CRACD: variants seen among roughly 807,000 people sequenced by gnomAD.
The protein encoded by CRACD is capping protein inhibiting regulator of actin dynamics, also known as capping protein-inhibiting regulator of actin dynamics.
A neutral mutation model predicts 106.8 loss-of-function variants in CRACD; 56 were observed. The observed-to-expected ratio is 0.52, with a 90% CI of 0.42 to 0.66. CRACD has a LOEUF of 0.66. CRACD is among the 30% of genes least tolerant of loss of function. The pLI is 0.00. For synonymous variants in CRACD, 754 were observed against 670.8 expected, an observed-to-expected ratio of 1.12 and a Z score of -1.92; for missense variants, 1,730 against 1,623.2, an observed-to-expected ratio of 1.07 and a Z score of -1.13.
intron 2 of CRACD, among the ~76,000 whole-genome samples, chr4:56,186,760 G>A (rs572630438): frequency 1.3e-5 from 2 of 152,256 alleles, no homozygotes; most frequent in South Asian, 2.1e-4. Context: ...ATGATAGGAT[G>A]TAGCTTCTAA....
rs909615208 is a variant in CRACD at position 56,301,646 on chromosome 4, T to C, written c.120+3297T>C. On this transcript the variant is annotated intron_variant, in intron 4 of 10. Coordinates refer to ENST00000682029, the MANE Select transcript of CRACD (RefSeq NM_001393381.1). Reference sequence around the variant, plus strand: ...CCCACGGAAGGGTGTCTGTCTGTAATGCCTGCCTTTGGAAAGGCTGCCCTC... The same window carrying C: ...CCCACGGAAGGGTGTCTGTCTGTAACGCCTGCCTTTGGAAAGGCTGCCCTC... Among the ~76,000 whole-genome samples the C allele has an allele frequency of 6.8e-4, 104 of 152,168 alleles. 2 individuals carry two copies. The highest frequency in any genetic ancestry group is 2.2e-3 in the African/African-American group (92 of 41,520).
intron 2 of CRACD, among the ~76,000 whole-genome samples, chr4:56,240,551 C>G (rs1425417135): frequency 6.6e-6 from 1 of 152,160 alleles, no homozygotes; most frequent in Non-Finnish European, 1.5e-5. Flanking sequence ...GTCACGCAGG[C>G]AACAGTGCAG....
chr4:56,107,270 C>T (rs765759574), intron 1 of CRACD, among the ~76,000 whole-genome samples: 5 of 152,118 alleles, frequency 3.3e-5, no homozygotes, highest in East Asian at 3.9e-4. Context: ...TGTGAGCCAC[C>T]GGCGCCCAGC....
chr4:56,124,398 A>T (rs1379367138), intron 1 of CRACD, among the ~76,000 whole-genome samples: 1 of 152,194 alleles, frequency 6.6e-6, no homozygotes, highest in Non-Finnish European at 1.5e-5. Context: ...TTTTAAAGCA[A>T]ATTCTAGACA....
intron 2 of CRACD, among the ~76,000 whole-genome samples, chr4:56,257,961 T>G (rs1741469105): frequency 6.6e-6 from 1 of 151,746 alleles, no homozygotes; most frequent in South Asian, 2.1e-4. Flanking sequence ...TCCTAGCTAC[T>G]TGGGAGGCTG....
At chr4:56,055,893 T>C (rs1168665039) in intron 1 of CRACD, among the ~76,000 whole-genome samples, 1 of 152,230 alleles carries the variant, frequency 6.6e-6, no homozygotes, top group Admixed American at 6.5e-5. Flanking sequence ...CAAGACAGTG[T>C]GGGAGCAGCA....
chr4:56,156,426 T>C (rs1336061912), intron 1 of CRACD, among the ~76,000 whole-genome samples: 2 of 152,208 alleles, frequency 1.3e-5, no homozygotes, highest in Non-Finnish European at 2.9e-5. Context: ...CCGCCAACCG[T>C]GTGACCAGGA....
At chr4:56,176,589 C>T (rs376066651) in intron 1 of CRACD, among the ~76,000 whole-genome samples, 223 of 152,008 alleles carry the variant, frequency 1.5e-3, no homozygotes, top group African/African-American at 5.1e-3. Flanking sequence ...CTACCACGCC[C>T]GGCTAATTTT....
At chr4:56,284,644 G>A (rs1328449892) in intron 3 of CRACD, among the ~76,000 whole-genome samples, 1 of 152,148 alleles carries the variant, frequency 6.6e-6, no homozygotes, top group South Asian at 2.1e-4. Flanking sequence ...AGAATTGCTT[G>A]AACCCAGAAG....
chr4:56,306,415 G>T (rs1268550615), intron 4 of CRACD, among the ~76,000 whole-genome samples: 1 of 152,038 alleles, frequency 6.6e-6, no homozygotes, highest in African/African-American at 2.4e-5. Context: ...GATCACCTGA[G>T]CATGGGAGAA....
intron 1 of CRACD, among the ~76,000 whole-genome samples, chr4:56,080,782 G>A (rs947906194): frequency 3.3e-5 from 5 of 152,166 alleles, no homozygotes; most frequent in South Asian, 2.1e-4. Flanking sequence ...GCAAGGTGAC[G>A]AGACCTAAAA....
At chr4:56,158,433 C>G (rs1218492894) in intron 1 of CRACD, among the ~76,000 whole-genome samples, 1 of 152,086 alleles carries the variant, frequency 6.6e-6, no homozygotes, top group South Asian at 2.1e-4. Flanking sequence ...CAAAGATCAT[C>G]CAGCAAGTTC....
intron 2 of CRACD, among the ~76,000 whole-genome samples, chr4:56,182,305 A>T (rs1396005336): frequency 1.3e-5 from 2 of 151,838 alleles, no homozygotes; most frequent in African/African-American, 4.8e-5. Context: ...GGGAGGTTGA[A>T]GCTGCAGTGA....
intron 1 of CRACD, among the ~76,000 whole-genome samples, chr4:56,134,610 G>A (rs1560460663): frequency 6.6e-6 from 1 of 152,126 alleles, no homozygotes; most frequent in Non-Finnish European, 1.5e-5. Context: ...TCTCTTAAAG[G>A]GACAGGAGGA....
intron 1 of CRACD, among the ~76,000 whole-genome samples, chr4:56,076,362 A>G (rs1458906390): frequency 6.6e-6 from 1 of 152,194 alleles, no homozygotes; most frequent in East Asian, 1.9e-4. Context: ...CAGGGGTGAT[A>G]TAGAAAAAAG....
intron 1 of CRACD, among the ~76,000 whole-genome samples, chr4:56,066,351 C>T (rs1358003123): frequency 6.6e-6 from 1 of 152,142 alleles, no homozygotes; most frequent in Non-Finnish European, 1.5e-5. Flanking sequence ...GCATTCTACA[C>T]GAGGAGTTTT....
intron 5 of CRACD, 105 bp from the exon 6 acceptor site, chr4:56,310,560 CT>C (rs1284870229): frequency 6.3e-6 from 5 of 788,506 alleles, no homozygotes; most frequent in Non-Finnish European, 8.9e-6. Flanking sequence ...AGCTGCACCC[CT>C]GTGTAGAGGA....
chr4:56,308,644 G>A (rs886913864), intron 5 of CRACD: 2 of 454,564 alleles, frequency 4.4e-6, no homozygotes, highest in African/African-American at 2.1e-5. Flanking sequence ...GCAGAGGCAA[G>A]TGAGGAAGGG....
chr4:56,166,786 A>G (rs753070196), intron 1 of CRACD, among the ~76,000 whole-genome samples: 1 of 151,998 alleles, frequency 6.6e-6, no homozygotes, highest in Non-Finnish European at 1.5e-5. Context: ...AGCTGTAAAA[A>G]TTTTTTTTAA....
Sources: gnomAD v4.1 joint callset for allele counts (sites outside exome capture counted in the v4.1 genomes callset) on GRCh38, gnomAD v4.1.1 for gene constraint, MANE v1.5 for transcripts, NCBI Gene and HGNC (gene_info 2026-07-23, HGNC 2026-07-21) for gene names.